Variants in ASAP1 observed in about 807,000 individuals in gnomAD.
The protein encoded by ASAP1 is ArfGAP with SH3 domain, ankyrin repeat and PH domain 1.
A neutral mutation model predicts 145.2 loss-of-function variants in ASAP1; 43 were observed. The ratio of observed to expected loss-of-function variants is 0.30; its 90% CI spans 0.23 to 0.38. ASAP1 has a LOEUF of 0.38. Among genes scored for constraint, ASAP1 ranks in the 10% least tolerant of loss-of-function variants. The pLI is 1.00. For missense variants in ASAP1, 1,018 were observed against 1,355.3 expected, an observed-to-expected ratio of 0.75 and a Z score of 3.91; for synonymous variants, 546 against 515.5, an observed-to-expected ratio of 1.06 and a Z score of -0.80.
chr8:130,301,824 G>A (rs1283163607), intron 3 of ASAP1, among the ~76,000 whole-genome samples: 5 of 152,188 alleles, frequency 3.3e-5, no homozygotes, highest in African/African-American at 4.8e-5. Flanking sequence ...GTATCTATTC[G>A]TAGATTTCAT....
intron 3 of ASAP1, among the ~76,000 whole-genome samples, chr8:130,341,767 G>A (rs1377439886): frequency 6.6e-6 from 1 of 152,112 alleles, no homozygotes; most frequent in African/African-American, 2.4e-5. Context: ...TCACGAACAG[G>A]CTTTAGGGAA....
At chr8:130,373,929 G>A (rs1586930056) in intron 2 of ASAP1, among the ~76,000 whole-genome samples, 1 of 149,370 alleles carries the variant, frequency 6.7e-6, no homozygotes, top group South Asian at 2.1e-4. Context: ...AAGATACCAT[G>A]CTGGATGCAG....
chr8:130,057,717 G>A (rs367923041), intron 29 of ASAP1, among the ~76,000 whole-genome samples: 131 of 152,322 alleles, frequency 8.6e-4, no homozygotes, highest in African/African-American at 3.0e-3. Context: ...CAAAGTGCTG[G>A]GATTACAGGC....
intron 14 of ASAP1, among the ~76,000 whole-genome samples, chr8:130,135,543 G>A (rs1222717250): frequency 6.6e-6 from 1 of 152,094 alleles, no homozygotes; most frequent in Non-Finnish European, 1.5e-5. Flanking sequence ...AAAAGAACAT[G>A]CCATGGGTGG....
At chr8:130,307,627 C>T (rs888203905) in intron 3 of ASAP1, among the ~76,000 whole-genome samples, 3 of 152,218 alleles carry the variant, frequency 2.0e-5, no homozygotes, top group African/African-American at 7.2e-5. Flanking sequence ...CTGCATAGTG[C>T]TGGACAATTT....
At chr8:130,072,832 G>GCGCGCGCGC (rs61663506) in intron 27 of ASAP1, among the ~76,000 whole-genome samples, 3 of 11,730 alleles carry the variant, frequency 2.6e-4, no homozygotes, top group Non-Finnish European at 4.6e-4. Flanking sequence ...TGTGCGCGCG[G>GCGCGCGCGC]GGGGGGGCAG....
intron 3 of ASAP1, among the ~76,000 whole-genome samples, chr8:130,302,209 G>A (rs1372947781): frequency 6.6e-6 from 1 of 152,186 alleles, no homozygotes; most frequent in Non-Finnish European, 1.5e-5. Context: ...TCAGTAAAAA[G>A]GCATTGATTG....
At position 130,265,979 on chromosome 8, in the gene ASAP1, T is replaced by C. The variant is rs1820220119; in HGVS notation, c.187-28985A>G. On this transcript the variant is annotated intron_variant, in intron 3 of 29. Coordinates refer to ENST00000518721, the MANE Select transcript of ASAP1 (RefSeq NM_018482.4). ...ATCCATAGTGAGTAAGCAGTAAGCATGTGAGGTGATTTTGCCACAGCCCTT... is the reference window on the plus strand; with the variant it reads ...ATCCATAGTGAGTAAGCAGTAAGCACGTGAGGTGATTTTGCCACAGCCCTT... Among the ~76,000 whole-genome samples the C allele has an allele frequency of 2.0e-5, 3 of 152,286 alleles. No homozygotes were observed. The South Asian group carries it at 6.2e-4, about 32-fold the overall frequency.
intron 13 of ASAP1, among the ~76,000 whole-genome samples, chr8:130,141,178 AG>A (rs1018912452): frequency 2.0e-5 from 3 of 152,198 alleles, no homozygotes; most frequent in Admixed American, 6.5e-5. Context: ...AAAACAAAAC[AG>A]GAGAAACTCT....
At chr8:130,113,499 T>C (rs1308722249) in intron 23 of ASAP1, among the ~76,000 whole-genome samples, 5 of 152,254 alleles carry the variant, frequency 3.3e-5, no homozygotes, top group South Asian at 2.1e-4. Flanking sequence ...CATTGTATTA[T>C]AATTTATTTC....
At chr8:130,259,106 T>G (rs1160003104) in intron 3 of ASAP1, among the ~76,000 whole-genome samples, 1 of 152,126 alleles carries the variant, frequency 6.6e-6, no homozygotes, top group East Asian at 1.9e-4. Flanking sequence ...ACAAAATTCA[T>G]GACCTGAGCT....
intron 1 of ASAP1, among the ~76,000 whole-genome samples, chr8:130,429,011 C>T (rs1830047663): frequency 6.6e-6 from 1 of 152,170 alleles, no homozygotes. Context: ...GTGGTGGTTG[C>T]CAGAAATCCT....
rs546104163 is a variant in ASAP1 at position 130,215,528 on chromosome 8, G to A, written c.260-827C>T. Among the ~76,000 whole-genome samples the A allele has an allele frequency of 7.2e-5, 11 of 152,186 alleles. No individual in the cohort carries two copies. The East Asian group carries it at 1.2e-3, about 16-fold the overall frequency. ...GGAGGCCAAGGCGGGCCGATCACGAGGTCAGGAGATCGAGACCATCCTGAC... is the reference window on the plus strand; with the variant it reads ...GGAGGCCAAGGCGGGCCGATCACGAAGTCAGGAGATCGAGACCATCCTGAC... On this transcript the variant is annotated intron_variant, in intron 4 of 29. Coordinates refer to ENST00000518721, the MANE Select transcript of ASAP1 (RefSeq NM_018482.4).
chr8:130,167,435 A>C, intron 11 of ASAP1, 101 bp downstream of exon 11: 1 of 930,652 alleles, frequency 1.1e-6, no homozygotes, highest in South Asian at 1.3e-5. Flanking sequence ...CTTGCATATT[A>C]TATATCACTG....
chr8:130,327,637 AAAGT>A (rs1209742646), intron 3 of ASAP1, among the ~76,000 whole-genome samples: 1 of 152,250 alleles, frequency 6.6e-6, no homozygotes, highest in African/African-American at 2.4e-5. Flanking sequence ...AATAGCTGCT[AAAGT>A]AAGGTATATC....
intron 11 of ASAP1, among the ~76,000 whole-genome samples, chr8:130,163,556 T>C (rs1390796276): frequency 3.9e-5 from 6 of 152,240 alleles, no homozygotes; most frequent in Non-Finnish European, 8.8e-5. Context: ...ATGAGTTTCA[T>C]GGCTTAATAA....
chr8:130,071,217 T>C (rs1312600735), intron 27 of ASAP1, among the ~76,000 whole-genome samples: 1 of 152,136 alleles, frequency 6.6e-6, no homozygotes, highest in African/African-American at 2.4e-5. Context: ...CTTCAATCCA[T>C]CCTCCCATCC....
intron 1 of ASAP1, among the ~76,000 whole-genome samples, chr8:130,412,476 T>C (rs1358277942): frequency 6.6e-6 from 1 of 151,942 alleles, no homozygotes; most frequent in Non-Finnish European, 1.5e-5. Flanking sequence ...TTAAGTTTTT[T>C]GAGGCCCCCC....
intron 2 of ASAP1, among the ~76,000 whole-genome samples, chr8:130,390,942 C>A (rs28439118): frequency 6.7e-6 from 1 of 149,432 alleles, no homozygotes; most frequent in Non-Finnish European, 1.5e-5. Flanking sequence ...ATCCCCCGCC[C>A]CCCCAAAATT....
Sources: allele counts gnomAD v4.1 joint callset (sites outside exome capture counted in the v4.1 genomes callset), GRCh38; gene constraint gnomAD v4.1.1; transcripts MANE v1.5; gene names NCBI Gene and HGNC (gene_info 2026-07-23, HGNC 2026-07-21).